ADAMTSL1: variants seen among roughly 807,000 people sequenced by gnomAD.
ADAMTSL1 encodes ADAMTS-like protein 1.
A neutral mutation model predicts 201.8 loss-of-function variants in ADAMTSL1; 126 were observed. The observed-to-expected ratio is 0.62, with a 90% CI of 0.54 to 0.72. The LOEUF (loss-of-function observed/expected upper bound fraction) is 0.72, where lower values mean the gene tolerates loss of function less well. ADAMTSL1 is among the 30% of genes least tolerant of loss of function. The probability of loss-of-function intolerance (pLI) is 0.00; values close to 1 mark genes in which losing one functional copy is unlikely to be tolerated. For synonymous variants in ADAMTSL1, 1,121 were observed against 903.4 expected (o/e 1.24, Z -4.32); for missense variants, 2,679 against 2,277.8 (o/e 1.18, Z -3.59).
chr9:18,853,918 T>TGTGTGTGTGTGTGTGCGC (rs139332733), intron 23 of ADAMTSL1, among the ~76,000 whole-genome samples: 50 of 145,488 alleles, frequency 3.4e-4, no homozygotes, highest in Admixed American at 3.1e-3. Flanking sequence ...TGTGTGTGTG[T>TGTGTGTGTGTGTGTGCGC]GCGCGTGCAT....
At chr9:18,403,896 T>C (rs1818080378) in intron 2 of ADAMTSL1, among the ~76,000 whole-genome samples, 1 of 152,154 alleles carries the variant, frequency 6.6e-6, no homozygotes, top group South Asian at 2.1e-4. Flanking sequence ...GGGCCTGTTG[T>C]TTTTGGTTGG....
chr9:18,769,759 A>G lies in ADAMTSL1; in HGVS notation c.2218-843A>G, dbSNP rs571048287. 6.4e-4 allele frequency among the ~76,000 whole-genome samples: 98 copies of G among 152,312 alleles called. 1 individual carries two copies. In the Middle Eastern group the frequency reaches 0.017, roughly 26 times the overall value. On this transcript the variant is annotated intron_variant, in intron 16 of 28. Coordinates refer to ENST00000380548, the MANE Select transcript of ADAMTSL1 (RefSeq NM_001040272.6). ...GTTTATATCCCATCGGCCAGCATCAAGTCAAATGGCTGTGTCTGTCTTCAA... is the reference window on the plus strand; with the variant it reads ...GTTTATATCCCATCGGCCAGCATCAGGTCAAATGGCTGTGTCTGTCTTCAA...
At chr9:18,391,855 C>T (rs577077990) in intron 2 of ADAMTSL1, among the ~76,000 whole-genome samples, 9 of 124,008 alleles carry the variant, frequency 7.3e-5, no homozygotes, top group Admixed American at 5.4e-4. Context: ...GATGGAGCCT[C>T]GCTCTGCAGC....
intron 1 of ADAMTSL1, among the ~76,000 whole-genome samples, chr9:18,081,065 T>A (rs1407713290): frequency 6.6e-6 from 1 of 152,238 alleles, no homozygotes; most frequent in Non-Finnish European, 1.5e-5. Context: ...CTTGATATCT[T>A]GAACTGATCA....
intron 2 of ADAMTSL1, among the ~76,000 whole-genome samples, chr9:18,221,182 C>T (rs566471400): frequency 7.2e-5 from 11 of 152,284 alleles, no homozygotes; most frequent in African/African-American, 1.9e-4. Flanking sequence ...TCAATCACCT[C>T]ACTGTTTAGT....
At chr9:18,489,820 A>G (rs1251227756) in intron 1 of ADAMTSL1, among the ~76,000 whole-genome samples, 1 of 152,172 alleles carries the variant, frequency 6.6e-6, no homozygotes, top group Non-Finnish European at 1.5e-5. Context: ...ATTAGACATA[A>G]AGAGATACTA....
chr9:18,782,247 G>T (rs904767640), intron 19 of ADAMTSL1, among the ~76,000 whole-genome samples: 2 of 152,214 alleles, frequency 1.3e-5, no homozygotes, highest in Non-Finnish European at 2.9e-5. Context: ...AAAGAGGTAT[G>T]CATATTTATT....
chr9:18,430,881 A>G (rs1293548004), intron 2 of ADAMTSL1, among the ~76,000 whole-genome samples: 1 of 152,248 alleles, frequency 6.6e-6, no homozygotes, highest in Non-Finnish European at 1.5e-5. Flanking sequence ...GTGGGTTAGA[A>G]TGATTAGCCC....
intron 14 of ADAMTSL1, chr9:18,718,315 T>C (rs1292580743): frequency 1.3e-6 from 1 of 744,526 alleles, no homozygotes; most frequent in East Asian, 2.6e-5. Context: ...CCATTTCTCA[T>C]GTACAAATCC....
chr9:18,120,617 C>A (rs529051608), intron 1 of ADAMTSL1, among the ~76,000 whole-genome samples: 3 of 151,974 alleles, frequency 2.0e-5, no homozygotes, highest in Admixed American at 6.6e-5. Context: ...AACATTGTGT[C>A]CATATATGCA....
chr9:18,519,636 T>C lies in ADAMTSL1; in HGVS notation c.192-13611T>C, dbSNP rs535979758. Among the ~76,000 whole-genome samples the C allele has an allele frequency of 2.0e-5, 3 of 152,386 alleles. No individual in the cohort carries two copies. In the South Asian group the frequency reaches 6.2e-4, roughly 32 times the overall value. ...ATAAGAATCAGGGAGGCCACCATTTTTGTGTCTTTCACAGTGCCTTGCTTA... is the reference window on the plus strand; with the variant it reads ...ATAAGAATCAGGGAGGCCACCATTTCTGTGTCTTTCACAGTGCCTTGCTTA... On this transcript the variant is annotated intron_variant, in intron 2 of 28. Coordinates refer to ENST00000380548, the MANE Select transcript of ADAMTSL1 (RefSeq NM_001040272.6).
intron 7 of ADAMTSL1, among the ~76,000 whole-genome samples, chr9:18,648,622 T>G (rs4588951): frequency 0.35 from 52,733 of 151,056 alleles, 9,726 homozygotes; most frequent in East Asian, 0.75. Flanking sequence ...GTCTATAAAG[T>G]ATTTTATTTC....
chr9:17,962,481 C>A (rs1177729436), intron 1 of ADAMTSL1, among the ~76,000 whole-genome samples: 1 of 152,166 alleles, frequency 6.6e-6, no homozygotes, highest in South Asian at 2.1e-4. Context: ...TTACCTTACA[C>A]AACCAATGTT....
chr9:18,386,149 G>C (rs1179054636), intron 2 of ADAMTSL1, among the ~76,000 whole-genome samples: 1 of 151,916 alleles, frequency 6.6e-6, no homozygotes, highest in Non-Finnish European at 1.5e-5. Flanking sequence ...GTTCTTTTAG[G>C]ACTCACTGTC....
intron 13 of ADAMTSL1, among the ~76,000 whole-genome samples, chr9:18,705,918 C>T (rs900131863): frequency 2.6e-5 from 4 of 152,160 alleles, no homozygotes; most frequent in Non-Finnish European, 5.9e-5. Context: ...AGGGCAAACC[C>T]CAAAACTGAG....
intron 1 of ADAMTSL1, among the ~76,000 whole-genome samples, chr9:18,063,333 A>C (rs1822544689): frequency 6.6e-6 from 1 of 152,220 alleles, no homozygotes; most frequent in South Asian, 2.1e-4. Context: ...TGGGCAGGAG[A>C]GCAAGAGCCC....
chr9:18,195,289 G>C (rs1829130206), intron 2 of ADAMTSL1, among the ~76,000 whole-genome samples: 1 of 152,158 alleles, frequency 6.6e-6, no homozygotes, highest in Non-Finnish European at 1.5e-5. Flanking sequence ...AATTGCTCTA[G>C]TGGTGTATCC....
intron 15 of ADAMTSL1, 85 bp downstream of exon 15, chr9:18,721,750 T>G (rs539785): frequency 0.31 from 458,969 of 1,504,010 alleles, 72,451 homozygotes; most frequent in Non-Finnish European, 0.33. Context: ...GTAACACTTA[T>G]TTGTTACTCA....
intron 2 of ADAMTSL1, among the ~76,000 whole-genome samples, chr9:18,234,875 GC>G (rs1830779425): frequency 6.6e-6 from 1 of 152,086 alleles, no homozygotes; most frequent in African/African-American, 2.4e-5. Flanking sequence ...TTTTCATGGA[GC>G]CAATTTTAAA....
Sources: allele counts gnomAD v4.1 joint callset (sites outside exome capture counted in the v4.1 genomes callset), GRCh38; gene constraint gnomAD v4.1.1; transcripts MANE v1.5; gene names NCBI Gene and HGNC (gene_info 2026-07-23, HGNC 2026-07-21).